Variants in DLGAP1 observed in about 807,000 individuals in gnomAD.
DLGAP1 encodes DLG associated protein 1, also known as disks large-associated protein 1.
In DLGAP1, 11 loss-of-function variants were observed where a neutral mutation model predicts 90.8. The ratio of observed to expected loss-of-function variants is 0.12; its 90% CI spans 0.08 to 0.20. DLGAP1 has a LOEUF of 0.20. DLGAP1 is among the 10% of genes least tolerant of loss of function. DLGAP1 has a pLI of 1.00. For missense variants in DLGAP1, 1,050 were observed against 1,333.8 expected, an observed-to-expected ratio of 0.79 and a Z score of 3.31; for synonymous variants, 558 against 540.7, an observed-to-expected ratio of 1.03 and a Z score of -0.44.
rs555819777 is a variant in DLGAP1, at chr18:3,589,045, C to T, written c.1592-6797G>A. ...AAAAATATATAAAAAAAAATTAACC[C>T]AGCGTGGTGGCAGGCGCCTGTAATC... On this transcript the variant is annotated intron_variant, in intron 7 of 12. Coordinates refer to ENST00000315677, the MANE Select transcript of DLGAP1 (RefSeq NM_004746.4). Among the ~76,000 whole-genome samples, 89 of 151,314 alleles carry T rather than the reference C, an allele frequency of 5.9e-4. 1 individual carries two copies. Among genetic ancestry groups the T allele is most frequent in the African/African-American group, 2.1e-3 (86 of 41,294 alleles).
chr18:4,406,421 G>C (rs1436416363), intron 1 of DLGAP1, among the ~76,000 whole-genome samples: 6 of 152,180 alleles, frequency 3.9e-5, no homozygotes, highest in Admixed American at 1.3e-4. Context: ...CCTGCCTCAA[G>C]AGAATTTAAC....
chr18:4,088,431 G>GTC (rs2075719461), intron 2 of DLGAP1, among the ~76,000 whole-genome samples: 1 of 70,428 alleles, frequency 1.4e-5, no homozygotes, highest in Non-Finnish European at 3.4e-5. Context: ...ATTTTCCTTT[G>GTC]TGTGTGTGTG....
Position 3,717,614 on chromosome 18 carries a change from T to C in DLGAP1, c.1591+11521A>G, listed in dbSNP as rs1489974966. Among the ~76,000 whole-genome samples, 3 of 152,230 alleles carry C rather than the reference T, an allele frequency of 2.0e-5. No homozygotes were observed. In the East Asian group the frequency reaches 5.8e-4, roughly 29 times the overall value. On this transcript the variant is annotated intron_variant, in intron 7 of 12. Transcript: ENST00000315677. Reference sequence around the variant, plus strand: ...CCCACTGTCTCTGAAATGAAGTGGTTTATTTTCAGGTGACTGAAAAAACAG... The same window carrying C: ...CCCACTGTCTCTGAAATGAAGTGGTCTATTTTCAGGTGACTGAAAAAACAG...
Position 3,534,688 on chromosome 18 carries a change from T to TCC in DLGAP1, c.2058-74_2058-73insGG, listed in dbSNP as rs1218849558. 1.3e-4 allele frequency: 177 copies of TCC among 1,331,950 alleles called. No homozygotes were observed. In the African/African-American group the frequency reaches 2.3e-3, roughly 17 times the overall value. 82.5% of individuals were successfully genotyped at this position (1,331,950 alleles called of 1,614,324 possible). Reference sequence around the variant, plus strand: ...TTCCTTCCTTCCTTCCTTCCTTCCTTTCTTTCTTTTTTTTTTTTTTTTGAC... The same window carrying TCC: ...TTCCTTCCTTCCTTCCTTCCTTCCTTCCTCTTTCTTTTTTTTTTTTTTTTGAC... On this transcript the variant is annotated intron_variant, in intron 9 of 12. Transcript: ENST00000315677.
intron 1 of DLGAP1, among the ~76,000 whole-genome samples, chr18:4,228,319 G>A (rs1252015264): frequency 6.6e-6 from 1 of 151,916 alleles, no homozygotes; most frequent in Non-Finnish European, 1.5e-5. Context: ...GAGGAGGAGG[G>A]AATACTTCCA....
chr18:3,840,466 C>T (rs1256460974), intron 4 of DLGAP1, among the ~76,000 whole-genome samples: 2 of 152,174 alleles, frequency 1.3e-5, no homozygotes, highest in African/African-American at 2.4e-5. Context: ...TCCGCTTCCA[C>T]GGCCACATAG....
intron 7 of DLGAP1, among the ~76,000 whole-genome samples, chr18:3,657,891 A>G (rs915651445): frequency 1.3e-5 from 2 of 152,118 alleles, no homozygotes; most frequent in East Asian, 3.9e-4. Context: ...GGCTTGAGCC[A>G]CCGCGCCCGG....
chr18:4,021,313 C>A (rs145949768), intron 2 of DLGAP1, among the ~76,000 whole-genome samples: 2,973 of 152,244 alleles, frequency 0.02, 44 homozygotes, highest in Non-Finnish European at 0.03. Context: ...TCCTTCATAG[C>A]CTGGGGCTGT....
intron 3 of DLGAP1, among the ~76,000 whole-genome samples, chr18:3,906,615 AC>A (rs1209268107): frequency 6.6e-6 from 1 of 152,234 alleles, no homozygotes. Context: ...AGTGCAGAAA[AC>A]AAGAGTCATT....
intron 1 of DLGAP1, among the ~76,000 whole-genome samples, chr18:4,434,499 G>A (rs1598415243): frequency 6.6e-6 from 1 of 152,000 alleles, no homozygotes; most frequent in East Asian, 1.9e-4. Context: ...TTCTTCCCCT[G>A]TGCTGCAAGG....
intron 9 of DLGAP1, among the ~76,000 whole-genome samples, chr18:3,544,089 T>C (rs1404707645): frequency 6.6e-6 from 1 of 152,170 alleles, no homozygotes; most frequent in Non-Finnish European, 1.5e-5. Flanking sequence ...CTTTTTTATA[T>C]ACACAGAAGC....
intron 1 of DLGAP1, among the ~76,000 whole-genome samples, chr18:4,267,185 T>C (rs1433245269): frequency 6.9e-6 from 1 of 145,598 alleles, no homozygotes; most frequent in East Asian, 1.9e-4. Flanking sequence ...CTGTAATGAG[T>C]GTGTGTGTGT....
intron 1 of DLGAP1, among the ~76,000 whole-genome samples, chr18:4,218,434 T>G (rs1216203734): frequency 3.3e-5 from 5 of 152,024 alleles, no homozygotes; most frequent in Non-Finnish European, 7.4e-5. Context: ...ATTAGAAAAT[T>G]CATCACCTCA....
At chr18:4,299,104 A>AAAAAAAAAAAAAAAAAAC (rs1555779074) in intron 1 of DLGAP1, among the ~76,000 whole-genome samples, 1 of 131,758 alleles carries the variant, frequency 7.6e-6, no homozygotes, top group African/African-American at 2.7e-5. Context: ...AAAAAAAAAA[A>AAAAAAAAAAAAAAAAAAC]AAAAAATAGA....
At chr18:3,854,467 T>C (rs2069516824) in intron 4 of DLGAP1, among the ~76,000 whole-genome samples, 1 of 152,236 alleles carries the variant, frequency 6.6e-6, no homozygotes. Context: ...ATGACACTTT[T>C]AGATGAGCGA....
At chr18:3,532,383 C>T (rs1315611777) in intron 10 of DLGAP1, among the ~76,000 whole-genome samples, 1 of 151,820 alleles carries the variant, frequency 6.6e-6, no homozygotes, top group East Asian at 2.0e-4. Flanking sequence ...AGTTCAAGAC[C>T]AGCCTGACCA....
At chr18:3,536,362 T>C (rs2052380434) in intron 9 of DLGAP1, among the ~76,000 whole-genome samples, 1 of 151,804 alleles carries the variant, frequency 6.6e-6, no homozygotes, top group African/African-American at 2.4e-5. Flanking sequence ...TAGCTGGGAG[T>C]ACAGGCATGC....
chr18:3,598,767 C>T (rs1353222007), intron 7 of DLGAP1, among the ~76,000 whole-genome samples: 4 of 139,060 alleles, frequency 2.9e-5, no homozygotes, highest in African/African-American at 8.2e-5. Flanking sequence ...CGCGCCCGGT[C>T]CCCTCCATTA....
intron 1 of DLGAP1, among the ~76,000 whole-genome samples, chr18:4,444,985 C>A (rs1163478019): frequency 1.3e-5 from 2 of 152,168 alleles, no homozygotes; most frequent in Non-Finnish European, 2.9e-5. Flanking sequence ...AAGGCAGTAA[C>A]ACTTCCCATC....
Sources: gnomAD v4.1 joint callset for allele counts (sites outside exome capture counted in the v4.1 genomes callset) on GRCh38, gnomAD v4.1.1 for gene constraint, MANE v1.5 for transcripts, NCBI Gene and HGNC (gene_info 2026-07-23, HGNC 2026-07-21) for gene names.